Variants in CAST observed in about 807,000 individuals in gnomAD.
The protein encoded by CAST is MIR583 host.
A neutral mutation model predicts 119.6 loss-of-function variants in CAST; 76 were observed. The observed-to-expected ratio is 0.64, with a 90% CI of 0.53 to 0.77. CAST has a LOEUF of 0.77. CAST is among the 30% of genes least tolerant of loss of function. The pLI, the probability that CAST is intolerant of heterozygous loss-of-function variation, is 0.00. For missense variants in CAST, 953 were observed against 946.5 expected, an observed-to-expected ratio of 1.01 and a Z score of -0.09; for synonymous variants, 319 against 331.6, an observed-to-expected ratio of 0.96 and a Z score of 0.41.
the CAST span, chr5:96,399,915 T>C: frequency 1.4e-6 from 2 of 1,461,106 alleles, no homozygotes; most frequent in South Asian, 1.1e-5. Flanking sequence ...AATTATGCCA[T>C]GGGCACACAT....
rs753844128 is a variant in CAST, at chr5:96,757,435, C to G, written c.1711-9C>G. On this transcript the variant is annotated splice_polypyrimidine_tract_variant and intron_variant, in intron 22 of 31. Coordinates refer to ENST00000675179, the MANE Select transcript of CAST (RefSeq NM_001750.7). ...TGATTTCATGCCATGTGTTTTCCCC[C>G]CCGGATAGGATAAAGATGGAAAGCC... The G allele has an allele frequency of 1.9e-6, 3 of 1,613,396 alleles. No individual in the cohort carries two copies. Among genetic ancestry groups the G allele is most frequent in the Non-Finnish European group, 2.5e-6 (3 of 1,179,350 alleles).
intron 1 of CAST, among the ~76,000 whole-genome samples, chr5:96,565,511 A>C (rs1171103787): frequency 6.6e-6 from 1 of 152,176 alleles, no homozygotes; most frequent in Non-Finnish European, 1.5e-5. Context: ...ACTGTGAATG[A>C]CTAGGGTACA....
At chr5:96,587,316 A>C (rs1179312694) in intron 1 of CAST, among the ~76,000 whole-genome samples, 2 of 152,200 alleles carry the variant, frequency 1.3e-5, no homozygotes, top group African/African-American at 2.4e-5. Flanking sequence ...CCTACACACC[A>C]ATAGAATAAT....
rs1476670142 is a variant in CAST, at chr5:96,639,705, T to C, written c.61-35834T>C. Among the ~76,000 whole-genome samples, 3 of 152,196 alleles carry C rather than the reference T, an allele frequency of 2.0e-5. No homozygotes were observed. In the East Asian group the frequency reaches 5.8e-4, roughly 29 times the overall value. On this transcript the variant is annotated intron_variant, in intron 1 of 11. Coordinates refer to the CAST transcript ENST00000505143. ...AAGTCACCCAAAGAATGTCAGACAG[T>C]ATGTAATGAGTATCCTTTTGATCCG...
chr5:96,561,804 T>G (rs796303934), intron 1 of CAST, among the ~76,000 whole-genome samples: 5 of 76,252 alleles, frequency 6.6e-5, no homozygotes, highest in South Asian at 4.4e-4. Context: ...TTGTTTTTTT[T>G]TTTTTTGAGA....
At chr5:96,119,059 T>C in the CAST span, among the ~76,000 whole-genome samples, 1 of 152,168 alleles carries the variant, frequency 6.6e-6, no homozygotes, top group Non-Finnish European at 1.5e-5. Flanking sequence ...GTGCTTGCAG[T>C]TGGACTATAA....
the CAST span, among the ~76,000 whole-genome samples, chr5:96,430,821 C>T: frequency 1.3e-5 from 2 of 151,910 alleles, no homozygotes; most frequent in East Asian, 3.9e-4. Flanking sequence ...ATGGTTTTCC[C>T]CCACTATTTG....
At chr5:96,567,265 G>T (rs904637062) in intron 1 of CAST, among the ~76,000 whole-genome samples, 8 of 152,308 alleles carry the variant, frequency 5.3e-5, no homozygotes, top group Admixed American at 5.2e-4. Flanking sequence ...GTTAAGAAGA[G>T]ATGATGGTTC....
the CAST span, among the ~76,000 whole-genome samples, chr5:96,120,594 C>T: frequency 6.6e-6 from 1 of 150,668 alleles, no homozygotes; most frequent in African/African-American, 2.4e-5. Context: ...GTCCCTTCCC[C>T]ATCATCTCTT....
chr5:95,975,938 C>T, the CAST span, among the ~76,000 whole-genome samples: 1 of 152,048 alleles, frequency 6.6e-6, no homozygotes, highest in Non-Finnish European at 1.5e-5. Context: ...AATCTTGTGG[C>T]TCCACCCTAT....
the CAST span, among the ~76,000 whole-genome samples, chr5:96,439,018 T>G: frequency 6.6e-6 from 1 of 152,216 alleles, no homozygotes; most frequent in African/African-American, 2.4e-5. Flanking sequence ...TTTGCTACTA[T>G]TATTAATGCT....
intron 2 of CAST, among the ~76,000 whole-genome samples, chr5:96,691,495 C>A (rs912228089): frequency 2.0e-5 from 3 of 152,102 alleles, no homozygotes; most frequent in African/African-American, 7.2e-5. Flanking sequence ...TTTCAGCAGC[C>A]ACTAAGTCTT....
the CAST span, among the ~76,000 whole-genome samples, chr5:96,192,616 T>C: frequency 1.3e-5 from 2 of 152,198 alleles, no homozygotes. Context: ...ATTTGCTACT[T>C]TTTTCTGCAG....
At chr5:96,342,309 G>A in the CAST span, among the ~76,000 whole-genome samples, 1 of 152,200 alleles carries the variant, frequency 6.6e-6, no homozygotes, top group Admixed American at 6.5e-5. Context: ...GTTGGTTGGG[G>A]GTGTTTTTGA....
chr5:96,231,781 CA>C, the CAST span, among the ~76,000 whole-genome samples: 22 of 149,102 alleles, frequency 1.5e-4, no homozygotes, highest in African/African-American at 4.7e-4. Flanking sequence ...CATAAAAAGG[CA>C]AAAAAAAAGC....
At chr5:96,761,953 T>C (rs1362433213) in intron 24 of CAST, 1 of 183,482 alleles carries the variant, frequency 5.5e-6, no homozygotes, top group African/African-American at 2.4e-5. Context: ...TTCAGAGCAA[T>C]TTTAAAAGAG....
intron 1 of CAST, among the ~76,000 whole-genome samples, chr5:96,637,236 C>T (rs1303357946): frequency 6.6e-6 from 1 of 152,164 alleles, no homozygotes; most frequent in Non-Finnish European, 1.5e-5. Flanking sequence ...ATTTTCTCAG[C>T]TAATTTTTGT....
the CAST span, among the ~76,000 whole-genome samples, chr5:96,105,418 C>G: frequency 6.6e-6 from 1 of 152,166 alleles, no homozygotes; most frequent in Non-Finnish European, 1.5e-5. Flanking sequence ...CCATCAATAC[C>G]TAATTTATTG....
the CAST span, among the ~76,000 whole-genome samples, chr5:96,154,196 T>G: frequency 6.6e-5 from 10 of 151,596 alleles, no homozygotes; most frequent in Non-Finnish European, 8.8e-5. Context: ...GAGAATGGTG[T>G]GAACCTGGGA....
Sources: allele counts gnomAD v4.1 joint callset (sites outside exome capture counted in the v4.1 genomes callset), GRCh38; gene constraint gnomAD v4.1.1; transcripts MANE v1.5; gene names NCBI Gene and HGNC (gene_info 2026-07-23, HGNC 2026-07-21).